Variants in SPAG16 observed in about 807,000 individuals in gnomAD.
SPAG16 encodes the protein sperm-associated antigen 16 protein.
Under a neutral mutation model 80.4 loss-of-function variants are expected in SPAG16, and 86 were observed. That is an observed-to-expected ratio of 1.07 (90% CI 0.90 to 1.28). The LOEUF is 1.28. SPAG16 is among the 50% of genes most tolerant of loss of function. The pLI, the probability that SPAG16 is intolerant of heterozygous loss-of-function variation, is 0.00. For synonymous variants in SPAG16, 294 were observed against 265.9 expected (o/e 1.11, Z -1.03); for missense variants, 870 against 765.3 (o/e 1.14, Z -1.61).
chr2:214,265,449 GTTAT>G lies in SPAG16; in HGVS notation c.1720+116190_1720+116193del, dbSNP rs1439229734. ...GATCTTTTGCACACTTTTTAATTGAGTTATTTATTTTCTTATGATTGAGTTTTCA... is the reference window on the plus strand; with the variant it reads ...GATCTTTTGCACACTTTTTAATTGAGTTATTTTCTTATGATTGAGTTTTCA... On this transcript the variant is annotated intron_variant, in intron 15 of 15. Coordinates refer to ENST00000331683, the MANE Select transcript of SPAG16 (RefSeq NM_024532.5). Among the ~76,000 whole-genome samples the G allele has an allele frequency of 3.9e-5, 6 of 152,064 alleles. No individual in the cohort carries two copies. The South Asian group carries it at 8.3e-4, about 21-fold the overall frequency.
Position 214,165,392 on chromosome 2 carries a change from A to G in SPAG16, c.1720+16126A>G, listed in dbSNP as rs543219919. Among the ~76,000 whole-genome samples, 4 of 148,902 alleles carry G rather than the reference A, an allele frequency of 2.7e-5. No individual in the cohort carries two copies. The East Asian group carries it at 6.0e-4, about 22-fold the overall frequency. On this transcript the variant is annotated intron_variant, in intron 15 of 15. Transcript: ENST00000331683. ...TTTTAATCCAATTCATTCCACCAAC[A>G]TATCTTCTAATGCTTAGTCCTGTTG...
intron 14 of SPAG16, among the ~76,000 whole-genome samples, chr2:214,109,635 T>C (rs543720707): frequency 6.6e-6 from 1 of 152,342 alleles, no homozygotes; most frequent in Admixed American, 6.5e-5. Flanking sequence ...GAAATTGTGC[T>C]TGTGTCATTG....
At chr2:213,829,735 C>T (rs559249836) in intron 10 of SPAG16, among the ~76,000 whole-genome samples, 5 of 152,192 alleles carry the variant, frequency 3.3e-5, no homozygotes, top group African/African-American at 4.8e-5. Context: ...CTTCAAGGAC[C>T]GGGTCCTTCC....
At chr2:213,837,309 G>A (rs1262843203) in intron 10 of SPAG16, among the ~76,000 whole-genome samples, 3 of 152,202 alleles carry the variant, frequency 2.0e-5, no homozygotes, top group African/African-American at 4.8e-5. Flanking sequence ...AAGTATAAAA[G>A]GAATTCTTTT....
intron 4 of SPAG16, among the ~76,000 whole-genome samples, chr2:213,316,757 T>C (rs1178431182): frequency 1.3e-5 from 2 of 152,068 alleles, no homozygotes; most frequent in East Asian, 3.9e-4. Context: ...TCATTTCCTT[T>C]AGATCTCTGT....
rs182930975 is a variant in SPAG16 at position 214,138,077 on chromosome 2, T to A, written c.1594-11063T>A. On this transcript the variant is annotated intron_variant, in intron 14 of 15. Transcript: ENST00000331683. ...GGCTGGTCCAGGAACTGAACTGATA[T>A]AACAGATGAACAGGAGAAAAGCACA... 3.2e-3 allele frequency among the ~76,000 whole-genome samples: 482 copies of A among 152,230 alleles called. 14 individuals are homozygous for A. The highest frequency in any genetic ancestry group is 0.03 in the Admixed American group (455 of 15,260).
chr2:213,893,577 G>C (rs1217316350), intron 11 of SPAG16, among the ~76,000 whole-genome samples: 1 of 152,110 alleles, frequency 6.6e-6, no homozygotes. Flanking sequence ...AAATGTATGT[G>C]TGTGTTGTGG....
rs186231476 is a variant in SPAG16, at chr2:214,245,680, C to A, written c.1720+96414C>A. Among the ~76,000 whole-genome samples the A allele has an allele frequency of 6.5e-3, 982 of 152,212 alleles. 5 individuals carry two copies. The highest frequency in any genetic ancestry group is 0.011 in the Non-Finnish European group (726 of 68,014). On this transcript the variant is annotated intron_variant, in intron 15 of 15. Coordinates refer to ENST00000331683, the MANE Select transcript of SPAG16 (RefSeq NM_024532.5). ...CATACATTCTAGTGTGTACCCAAGG[C>A]AGTGTCTGACCATCTGCTGGTAAAA...
intron 10 of SPAG16, among the ~76,000 whole-genome samples, chr2:213,860,782 A>G (rs774852597): frequency 1.3e-5 from 2 of 152,108 alleles, no homozygotes; most frequent in African/African-American, 2.4e-5. Context: ...TAAAAACATC[A>G]ATGATTTTAG....
intron 10 of SPAG16, among the ~76,000 whole-genome samples, chr2:213,537,558 A>G (rs1440753154): frequency 6.6e-6 from 1 of 152,008 alleles, no homozygotes; most frequent in African/African-American, 2.4e-5. Context: ...TTGGAGAGTA[A>G]TAGGGAGCAG....
At chr2:214,097,296 C>T (rs2052654688) in intron 13 of SPAG16, among the ~76,000 whole-genome samples, 2 of 152,046 alleles carry the variant, frequency 1.3e-5, no homozygotes, top group Non-Finnish European at 2.9e-5. Flanking sequence ...AAATAGGGGG[C>T]ATAATGACAC....
chr2:213,358,343 G>GTTAATCTTATGCTATTCTAAATA (rs2065786416), intron 7 of SPAG16, among the ~76,000 whole-genome samples: 1 of 152,166 alleles, frequency 6.6e-6, no homozygotes. Flanking sequence ...ATAATATCCT[G>GTTAATCTTATGCTATTCTAAATA]AAGAGTGTTT....
intron 10 of SPAG16, among the ~76,000 whole-genome samples, chr2:213,686,440 C>A (rs1250663396): frequency 6.6e-6 from 1 of 152,032 alleles, no homozygotes; most frequent in Non-Finnish European, 1.5e-5. Flanking sequence ...ATATTCCTTT[C>A]TCTGAAATTT....
At chr2:213,720,327 A>C (rs2066457564) in intron 10 of SPAG16, among the ~76,000 whole-genome samples, 1 of 151,920 alleles carries the variant, frequency 6.6e-6, no homozygotes, top group Non-Finnish European at 1.5e-5. Context: ...CCAGAACTTA[A>C]AGTATAAGAA....
chr2:213,530,878 T>C (rs1165623944), intron 10 of SPAG16, among the ~76,000 whole-genome samples: 3 of 152,290 alleles, frequency 2.0e-5, no homozygotes, highest in African/African-American at 7.2e-5. Flanking sequence ...GTACCAATCA[T>C]GTGTTTGTAT....
At chr2:213,339,532 A>G (rs938672809) in intron 5 of SPAG16, among the ~76,000 whole-genome samples, 1 of 152,244 alleles carries the variant, frequency 6.6e-6, no homozygotes, top group Admixed American at 6.5e-5. Context: ...AGCTTGCTTT[A>G]TGCCAGAGGT....
intron 15 of SPAG16, among the ~76,000 whole-genome samples, chr2:214,259,727 T>A (rs1187850670): frequency 1.3e-5 from 2 of 152,148 alleles, no homozygotes; most frequent in Non-Finnish European, 2.9e-5. Context: ...TGTTTTCGTC[T>A]GTATTCCTAA....
At chr2:214,254,713 G>A (rs1374580278) in intron 15 of SPAG16, among the ~76,000 whole-genome samples, 2 of 151,912 alleles carry the variant, frequency 1.3e-5, no homozygotes, top group Non-Finnish European at 2.9e-5. Flanking sequence ...TAAAACTTAG[G>A]TGTTACTATT....
intron 15 of SPAG16, among the ~76,000 whole-genome samples, chr2:214,190,971 A>G (rs1246121675): frequency 6.6e-6 from 1 of 152,180 alleles, no homozygotes; most frequent in Non-Finnish European, 1.5e-5. Context: ...GCTTGTAGCG[A>G]CAGGTTTAGA....
Sources: allele counts gnomAD v4.1 joint callset (sites outside exome capture counted in the v4.1 genomes callset), GRCh38; gene constraint gnomAD v4.1.1; transcripts MANE v1.5; gene names NCBI Gene and HGNC (gene_info 2026-07-23, HGNC 2026-07-21).